Variants in SPHKAP observed in about 807,000 individuals in gnomAD.
The protein encoded by SPHKAP is A-kinase anchor protein SPHKAP.
A neutral mutation model predicts 137.5 loss-of-function variants in SPHKAP; 67 were observed. The ratio of observed to expected loss-of-function variants is 0.49; its 90% confidence interval spans 0.40 to 0.60. SPHKAP has a LOEUF of 0.60. Among genes scored for constraint, SPHKAP ranks in the 20% least tolerant of loss-of-function variants. The pLI is 0.00. For missense variants in SPHKAP, 2,097 were observed against 2,069.3 expected, an observed-to-expected ratio of 1.01 and a Z score of -0.26; for synonymous variants, 813 against 785.3, an observed-to-expected ratio of 1.04 and a Z score of -0.59.
At chr2:228,156,902 T>G (rs1700123811) in intron 1 of SPHKAP, among the ~76,000 whole-genome samples, 1 of 152,116 alleles carries the variant, frequency 6.6e-6, no homozygotes, top group Non-Finnish European at 1.5e-5. Context: ...TATGGAACTG[T>G]GAGTCAATTA....
At chr2:228,056,980 T>G (rs1158885867) in intron 3 of SPHKAP, among the ~76,000 whole-genome samples, 1 of 152,160 alleles carries the variant, frequency 6.6e-6, no homozygotes, top group Non-Finnish European at 1.5e-5. Flanking sequence ...CTGAGAAAAT[T>G]GCATTAAATA....
chr2:228,098,737 A>G (rs1698087301), intron 3 of SPHKAP, among the ~76,000 whole-genome samples: 1 of 146,736 alleles, frequency 6.8e-6, no homozygotes, highest in South Asian at 2.2e-4. Flanking sequence ...CGTTGTGCAC[A>G]TGTACCCTAA....
At chr2:228,037,487 A>G (rs1695667882) in intron 3 of SPHKAP, among the ~76,000 whole-genome samples, 1 of 152,160 alleles carries the variant, frequency 6.6e-6, no homozygotes, top group African/African-American at 2.4e-5. Context: ...TGCTTGAGTT[A>G]CCACTCTTGA....
At chr2:228,120,590 G>A (rs776170959) in intron 2 of SPHKAP, among the ~76,000 whole-genome samples, 26 of 152,070 alleles carry the variant, frequency 1.7e-4, no homozygotes, top group Non-Finnish European at 3.1e-4. Context: ...TATTTTTCTT[G>A]TGCCACTCAA....
Position 228,139,590 on chromosome 2 carries a change from A to T in SPHKAP, c.33-7505T>A, listed in dbSNP as rs1341653654. 2.0e-5 allele frequency among the ~76,000 whole-genome samples: 3 copies of T among 152,314 alleles called. No homozygotes were observed. The East Asian group carries it at 5.8e-4, about 29-fold the overall frequency. On this transcript the variant is annotated intron_variant, in intron 1 of 11. Coordinates refer to ENST00000392056, the MANE Select transcript of SPHKAP (RefSeq NM_001142644.2). ...CAGATTTACTAGTTTTATATCTTTA[A>T]AAGCTGTTTCACAATCTCAGGCTTT...
At chr2:228,088,099 G>A (rs907445818) in intron 3 of SPHKAP, among the ~76,000 whole-genome samples, 2 of 152,056 alleles carry the variant, frequency 1.3e-5, no homozygotes, top group Non-Finnish European at 2.9e-5. Flanking sequence ...CTGCAGTGAA[G>A]AAAATGAGAC....
In SPHKAP at chr2:228,016,749, C is replaced by A. The variant is rs143055592; in HGVS notation, c.4105G>T (p.Asp1369Tyr). Reference protein sequence around the residue: ...GPTLLVQESLDCPRKDSVTEC... With the variant: ...GPTLLVQESLYCPRKDSVTEC... Reference sequence around the variant, plus strand: ...GTAACAGAGTCTTTCCTCGGGCAATCGAGAGACTCCTGAACAAGCAGAGTT... The same window carrying A: ...GTAACAGAGTCTTTCCTCGGGCAATAGAGAGACTCCTGAACAAGCAGAGTT... The change falls in exon 7 of 12, where the codon GAT (aspartate) becomes TAT (tyrosine). Residue 1369 changes from aspartate to tyrosine, a missense_variant. Coordinates refer to ENST00000392056, the MANE Select transcript of SPHKAP (RefSeq NM_001142644.2). 2 of 1,613,876 alleles carry A rather than the reference C, an allele frequency of 1.2e-6. No homozygotes were observed. The highest frequency in any genetic ancestry group is 2.7e-5 in the African/African-American group (2 of 74,862).
At chr2:228,027,321 G>A (rs1324681790) in intron 4 of SPHKAP, among the ~76,000 whole-genome samples, 163 bp downstream of exon 4, 1 of 152,180 alleles carries the variant, frequency 6.6e-6, no homozygotes, top group Non-Finnish European at 1.5e-5. Context: ...TGTAAAAAGG[G>A]CAAACGGTAG....
intron 1 of SPHKAP, among the ~76,000 whole-genome samples, chr2:228,152,407 C>A (rs559380861): frequency 1.7e-4 from 26 of 152,186 alleles, no homozygotes; most frequent in African/African-American, 6.3e-4. Flanking sequence ...CAATGTCTTT[C>A]CATTTTAAAG....
intron 2 of SPHKAP, among the ~76,000 whole-genome samples, chr2:228,110,215 C>A (rs1698475925): frequency 6.6e-6 from 1 of 151,840 alleles, no homozygotes; most frequent in African/African-American, 2.4e-5. Flanking sequence ...AAATACATTA[C>A]TTTTAGTCTC....
rs1297626865 is a variant in SPHKAP at position 228,021,955 on chromosome 2, C to T, written c.453G>A (p.Leu151=). The change falls in exon 6 of 12, where the codon CTG becomes CTA. Residue 151 remains leucine, a synonymous_variant. Transcript: ENST00000392056. ...CACATTGGACCAAGCAGATATCTGG[C>T]AGCCAAGGGCACTAAAAGTGGAGAG... ...ADFEVSQCPW[L]PDICLVQCAR... 4 of 1,590,184 alleles carry T rather than the reference C, an allele frequency of 2.5e-6. No homozygotes were observed. The highest frequency in any genetic ancestry group is 3.4e-6 in the Non-Finnish European group (4 of 1,169,332).
chr2:228,093,838 C>CGACA (rs1405786844), intron 3 of SPHKAP, among the ~76,000 whole-genome samples: 3 of 109,232 alleles, frequency 2.7e-5, no homozygotes, highest in Non-Finnish European at 5.0e-5. Context: ...CCAGCCTGGG[C>CGACA]GACAGGGCAA....
At chr2:228,162,532 G>A (rs1297866176) in intron 1 of SPHKAP, among the ~76,000 whole-genome samples, 1 of 152,120 alleles carries the variant, frequency 6.6e-6, no homozygotes, top group Non-Finnish European at 1.5e-5. Flanking sequence ...TTGTCAACAT[G>A]CAATGAAAAG....
At chr2:228,097,329 C>T (rs999734306) in intron 3 of SPHKAP, among the ~76,000 whole-genome samples, 8 of 152,126 alleles carry the variant, frequency 5.3e-5, no homozygotes, top group African/African-American at 1.7e-4. Flanking sequence ...AAACACACTT[C>T]GATTTATTCA....
intron 11 of SPHKAP, among the ~76,000 whole-genome samples, chr2:227,983,126 A>T (rs1004183980): frequency 6.6e-6 from 1 of 151,992 alleles, no homozygotes; most frequent in South Asian, 2.1e-4. Flanking sequence ...AATTATTATT[A>T]TTTTTTGGTA....
chr2:228,170,104 G>A (rs1371971566), intron 1 of SPHKAP, among the ~76,000 whole-genome samples: 1 of 152,034 alleles, frequency 6.6e-6, no homozygotes, highest in African/African-American at 2.4e-5. Context: ...GATAGAAATA[G>A]TAAGAACTAG....
intron 1 of SPHKAP, among the ~76,000 whole-genome samples, chr2:228,136,115 C>T (rs939846042): frequency 4.6e-5 from 7 of 152,184 alleles, no homozygotes; most frequent in African/African-American, 1.7e-4. Context: ...ATATGAAACT[C>T]ATACATTTAT....
At chr2:228,040,025 T>C (rs1164940262) in intron 3 of SPHKAP, among the ~76,000 whole-genome samples, 2 of 152,196 alleles carry the variant, frequency 1.3e-5, no homozygotes, top group Non-Finnish European at 2.9e-5. Context: ...TTTCCTCTGC[T>C]TGATTTTTTT....
chr2:228,119,985 GA>G (rs1170702376), intron 2 of SPHKAP, among the ~76,000 whole-genome samples: 1 of 152,072 alleles, frequency 6.6e-6, no homozygotes, highest in Non-Finnish European at 1.5e-5. Flanking sequence ...TGACACCTAA[GA>G]AAATTTAGAA....
Sources: gnomAD v4.1 joint callset for allele counts (sites outside exome capture counted in the v4.1 genomes callset) on GRCh38, gnomAD v4.1.1 for gene constraint, MANE v1.5 for transcripts, NCBI Gene and HGNC (gene_info 2026-07-23, HGNC 2026-07-21) for gene names.